Variants in FMN1 observed in about 807,000 individuals in gnomAD.
FMN1 encodes formin-1.
A neutral mutation model predicts 132.4 loss-of-function variants in FMN1; 110 were observed. The ratio of observed to expected loss-of-function variants is 0.83; its 90% CI spans 0.71 to 0.97. The LOEUF is 0.97. Ranked by LOEUF, FMN1 falls within the 50% of genes least tolerant of loss-of-function variation. FMN1 has a pLI of 0.00. For synonymous variants in FMN1, 722 were observed against 651.7 expected (o/e 1.11, Z -1.64); for missense variants, 1,792 against 1,705.3 (o/e 1.05, Z -0.90).
At chr15:33,135,177 C>T (rs1031432224) in intron 4 of FMN1, among the ~76,000 whole-genome samples, 4 of 152,146 alleles carry the variant, frequency 2.6e-5, no homozygotes, top group Non-Finnish European at 5.9e-5. Context: ...AAAATTCACA[C>T]AAAATGTTTG....
At chr15:32,857,232 C>T (rs972422531) in intron 16 of FMN1, 125 bp from the exon 17 acceptor site, 1 of 711,280 alleles carries the variant, frequency 1.4e-6, no homozygotes, top group African/African-American at 1.8e-5. Flanking sequence ...ACTGTTGGTC[C>T]AAATTCCAGG....
chr15:32,869,630 G>T (rs1034859998), intron 16 of FMN1, among the ~76,000 whole-genome samples: 1 of 152,172 alleles, frequency 6.6e-6, no homozygotes, highest in Non-Finnish European at 1.5e-5. Flanking sequence ...GAATTGCCAT[G>T]GGGAGAATAC....
rs1214096716 is a variant in FMN1, at chr15:33,153,407, A to G, written c.1508T>C (p.Val503Ala). ...GGACTGCGAGGCTGAATTATTAAAC[A>G]CCTTGCCAAGAGCTGCCGGTGCTGG... ...SPPAPAALGK[V>A]FNNSASQSST... The change falls in exon 4 of 21, where the codon GTG (valine) becomes GCG (alanine). Residue 503 changes from valine (V) to alanine (A), a missense_variant. Physicochemically the swap from Val to Ala is moderately conservative, Grantham distance 64. This residue lies in a region of FMN1 where 638 missense variants were observed against 645.2 expected (regional missense o/e 0.99). Coordinates refer to ENST00000616417, the MANE Select transcript of FMN1 (RefSeq NM_001277313.2). The G allele has an allele frequency of 6.5e-7, 1 of 1,536,566 alleles. No individual in the cohort carries two copies. The highest frequency in any genetic ancestry group is 2.4e-5 in the East Asian group (1 of 40,916).
chr15:33,084,960 G>A (rs1040813483), intron 5 of FMN1, among the ~76,000 whole-genome samples: 1 of 152,202 alleles, frequency 6.6e-6, no homozygotes, highest in Non-Finnish European at 1.5e-5. Context: ...TTGTGACGCT[G>A]CAAGTCAGGT....
chr15:32,892,446 T>TG (rs1477059178), intron 15 of FMN1, among the ~76,000 whole-genome samples: 1 of 152,230 alleles, frequency 6.6e-6, no homozygotes, highest in Non-Finnish European at 1.5e-5. Context: ...GATATGTTGT[T>TG]GGATGCAGTT....
intron 6 of FMN1, among the ~76,000 whole-genome samples, chr15:33,053,120 T>C (rs2037055051): frequency 6.6e-6 from 1 of 152,134 alleles, no homozygotes; most frequent in African/African-American, 2.4e-5. Context: ...GACAAGAGCT[T>C]GGGACCCACT....
rs145637113 is a variant in FMN1, at chr15:33,017,735, T to C, written c.2162-9660A>G. 4.6e-3 allele frequency among the ~76,000 whole-genome samples: 708 copies of C among 152,362 alleles called. 8 individuals are homozygous for C. Among genetic ancestry groups the C allele is most frequent in the African/African-American group, 0.016 (682 of 41,594 alleles). On this transcript the variant is annotated intron_variant, in intron 6 of 20. Transcript: ENST00000616417. Reference sequence around the variant, plus strand: ...TCTAATTCTCCAAGCCACTAGTTTCTTACCGCTATGGTTTGAATGTTTGTG... The same window carrying C: ...TCTAATTCTCCAAGCCACTAGTTTCCTACCGCTATGGTTTGAATGTTTGTG...
At chr15:33,150,042 G>A (rs1177799647) in intron 4 of FMN1, 1 of 985,282 alleles carries the variant, frequency 1.0e-6, no homozygotes, top group African/African-American at 1.7e-5. Context: ...TATGCCTGGA[G>A]CATATGCTTC....
rs1474903050 is a variant in FMN1, at chr15:32,879,211, T to C, written c.3835+8961A>G. On this transcript the variant is annotated intron_variant, in intron 16 of 20. Transcript: ENST00000616417. ...CCTTAGGTCTGTTTTGTTGAAATCA[T>C]TTTACAAAAATAAATCATATCAAAG... Among the ~76,000 whole-genome samples, 3 of 152,332 alleles carry C rather than the reference T, an allele frequency of 2.0e-5. No homozygotes were observed. In the East Asian group the frequency reaches 5.8e-4, roughly 29 times the overall value.
rs965095163 is a variant in FMN1 at position 32,999,946 on chromosome 15, A to G, written c.2223+8068T>C. Among the ~76,000 whole-genome samples, 20 of 150,638 alleles carry G rather than the reference A, an allele frequency of 1.3e-4. 1 individual carries two copies. The highest frequency in any genetic ancestry group is 1.0e-3 in the Admixed American group (16 of 15,258). On this transcript the variant is annotated intron_variant, in intron 7 of 20. Transcript: ENST00000616417. ...ATGCTCAGGCTTCCCTTTTGTCATA[A>G]AGATTTGGGTATCCTACAGAGTTTC... is the stretch of plus-strand genomic sequence containing the variant.
intron 17 of FMN1, among the ~76,000 whole-genome samples, chr15:32,811,420 A>G (rs1250196661): frequency 1.3e-5 from 2 of 152,022 alleles, no homozygotes. Context: ...AGGGTGTAGG[A>G]TTTCCAGGTC....
At chr15:33,031,200 A>C (rs2035921939) in intron 6 of FMN1, among the ~76,000 whole-genome samples, 1 of 152,198 alleles carries the variant, frequency 6.6e-6, no homozygotes, top group Admixed American at 6.5e-5. Context: ...TAACTCCAGA[A>C]TCTATATACT....
At chr15:32,994,230 T>TCACACACACA (rs1555375432) in intron 7 of FMN1, among the ~76,000 whole-genome samples, 2 of 28,210 alleles carry the variant, frequency 7.1e-5, no homozygotes, top group African/African-American at 1.5e-4. Context: ...TCTCTCTCTC[T>TCACACACACA]CTCACACACA....
intron 19 of FMN1, among the ~76,000 whole-genome samples, chr15:32,784,289 G>A (rs1201272106): frequency 6.6e-6 from 1 of 152,086 alleles, no homozygotes; most frequent in Non-Finnish European, 1.5e-5. Context: ...TGCCAATGTT[G>A]GCAAGCTCTG....
At chr15:33,021,628 T>C (rs2035422078) in intron 6 of FMN1, among the ~76,000 whole-genome samples, 1 of 152,186 alleles carries the variant, frequency 6.6e-6, no homozygotes, top group Non-Finnish European at 1.5e-5. Context: ...TATCTCTGAC[T>C]TTTACCTGTA....
chr15:33,141,582 T>A (rs1964012312), intron 4 of FMN1, among the ~76,000 whole-genome samples: 1 of 152,150 alleles, frequency 6.6e-6, no homozygotes, highest in African/African-American at 2.4e-5. Context: ...GATGCAATTT[T>A]GACAGAGGCC....
chr15:32,836,518 C>T (rs1034379688), intron 17 of FMN1, among the ~76,000 whole-genome samples: 2 of 152,134 alleles, frequency 1.3e-5, no homozygotes, highest in African/African-American at 4.8e-5. Context: ...AGTCTCAGTA[C>T]TACAAATGCC....
intron 19 of FMN1, among the ~76,000 whole-genome samples, chr15:32,794,492 G>A (rs1431239981): frequency 1.3e-5 from 2 of 151,964 alleles, no homozygotes; most frequent in East Asian, 3.9e-4. Context: ...GGCATATGTG[G>A]GGGCAGTCTT....
intron 7 of FMN1, among the ~76,000 whole-genome samples, chr15:32,988,362 A>C (rs2140835012): frequency 6.6e-6 from 1 of 152,298 alleles, no homozygotes; most frequent in South Asian, 2.1e-4. Context: ...TATTTGAAAG[A>C]GGTGGCCTTA....
Sources: allele counts gnomAD v4.1 joint callset (sites outside exome capture counted in the v4.1 genomes callset), GRCh38; gene constraint gnomAD v4.1.1; regional missense constraint gnomAD v4.1.1; transcripts MANE v1.5; gene names NCBI Gene and HGNC (gene_info 2026-07-23, HGNC 2026-07-21).